Variants in NREP observed in about 807,000 individuals in gnomAD.
NREP encodes the protein neuronal regeneration related protein.
In NREP, 5 loss-of-function variants were observed where a neutral mutation model predicts 8.6. That is an observed-to-expected ratio of 0.58 (90% CI 0.30 to 1.22). The LOEUF (loss-of-function observed/expected upper bound fraction) is 1.22. Ranked by LOEUF, NREP falls within the 50% of genes most tolerant of loss-of-function variation. NREP has a pLI of 0.07. For missense variants in NREP, 86 were observed against 82.5 expected (o/e 1.04, Z -0.17); for synonymous variants, 27 against 28.0 (o/e 0.96, Z 0.11).
At chr5:111,945,763 TTCACA>T (rs1418575291) in intron 2 of NREP, among the ~76,000 whole-genome samples, 7 of 13,644 alleles carry the variant, frequency 5.1e-4, no homozygotes, top group South Asian at 2.5e-3. Flanking sequence ...TTCACAGCCC[TTCACA>T]GCCCTGTTTT....
chr5:111,831,754 C>G (rs1752773397), intron 2 of NREP, among the ~76,000 whole-genome samples: 1 of 152,210 alleles, frequency 6.6e-6, no homozygotes, highest in Admixed American at 6.5e-5. Flanking sequence ...CTATCCTGAT[C>G]ATTCCTGGAC....
chr5:111,739,736 C>G (rs1749482938), intron 2 of NREP: 1 of 151,962 alleles, frequency 6.6e-6, no homozygotes, highest in South Asian at 2.1e-4. Context: ...ATTGAATTCT[C>G]TATTGTTGTT....
intron 2 of NREP, among the ~76,000 whole-genome samples, chr5:111,967,318 G>A (rs554033762): frequency 4.6e-5 from 7 of 151,904 alleles, no homozygotes; most frequent in East Asian, 3.9e-4. Context: ...CATTGCCTTC[G>A]CCATAATCAA....
intron 2 of NREP, among the ~76,000 whole-genome samples, chr5:111,859,389 A>AAAT (rs1257163894): frequency 1.3e-5 from 2 of 152,198 alleles, no homozygotes; most frequent in Non-Finnish European, 2.9e-5. Flanking sequence ...TTAGAAAGGC[A>AAAT]AATTGCTTTA....
chr5:111,881,219 G>C lies in NREP; in HGVS notation c.135+94055C>G, dbSNP rs562278639. 1.0e-3 allele frequency among the ~76,000 whole-genome samples: 156 copies of C among 152,296 alleles called. 1 individual carries two copies. Among genetic ancestry groups the C allele is most frequent in the African/African-American group, 3.4e-3 (143 of 41,568 alleles). On this transcript the variant is annotated intron_variant, in intron 2 of 3. Transcript: ENST00000395634. ...GGTCCTACACCCACGGAGTCTCCCT[G>C]ATTGCTAGCACAGCAGTCTGAGATC... is the stretch of plus-strand genomic sequence containing the variant.
chr5:111,807,128 CA>C (rs376335232), intron 2 of NREP, among the ~76,000 whole-genome samples: 12 of 147,894 alleles, frequency 8.1e-5, no homozygotes, highest in Admixed American at 2.0e-4. Context: ...AACAAAAAAA[CA>C]AAAAAAAAAC....
In NREP at chr5:111,889,871, T is replaced by C. The variant is rs147326173; in HGVS notation, c.135+85403A>G. ...ATTACAGTTAAAGGGGGTTATTCTC[T>C]TGCGGGCAGGGGTGGGGGTTACAAG... On this transcript the variant is annotated intron_variant, in intron 2 of 3. Transcript: ENST00000395634. Among the ~76,000 whole-genome samples, 485 of 152,138 alleles carry C rather than the reference T, an allele frequency of 3.2e-3. 2 individuals are homozygous for C. The highest frequency in any genetic ancestry group is 6.8e-3 in the Middle Eastern group (2 of 294).
intron 2 of NREP, among the ~76,000 whole-genome samples, chr5:111,881,080 AGTG>A (rs1355677912): frequency 6.6e-6 from 1 of 152,216 alleles, no homozygotes; most frequent in Non-Finnish European, 1.5e-5. Context: ...AGTCAAAGAA[AGTG>A]GTGACAGACG....
chr5:111,947,216 G>T (rs79173568), intron 2 of NREP, among the ~76,000 whole-genome samples: 1 of 151,820 alleles, frequency 6.6e-6, no homozygotes, highest in African/African-American at 2.4e-5. Flanking sequence ...ACTTAAAAAC[G>T]CTTTCTTAAG....
chr5:111,756,362 T>G, intron 1 of NREP: 1 of 573,254 alleles, frequency 1.7e-6, no homozygotes, highest in Non-Finnish European at 2.2e-6. Flanking sequence ...CACCATTCTG[T>G]CCTTCTCCCT....
downstream of NREP, chr5:111,729,157 G>C (rs541755359): frequency 6.6e-5 from 10 of 152,308 alleles, no homozygotes; most frequent in African/African-American, 2.4e-4. Flanking sequence ...GAAAACGCAT[G>C]AAAGGCAGAG....
intron 2 of NREP, among the ~76,000 whole-genome samples, chr5:111,892,577 T>C (rs750657189): frequency 7.2e-5 from 11 of 152,104 alleles, no homozygotes; most frequent in Non-Finnish European, 1.3e-4. Context: ...GACATTATGA[T>C]ACATTGAAAA....
intron 2 of NREP, among the ~76,000 whole-genome samples, chr5:111,812,461 A>T (rs1167292725): frequency 6.6e-6 from 1 of 152,180 alleles, no homozygotes; most frequent in Non-Finnish European, 1.5e-5. Context: ...GTAATGTATT[A>T]ATAGCTAAAA....
At chr5:111,731,150 A>T in intron 3 of NREP, 104 bp from the exon 4 acceptor site, 1 of 1,232,262 alleles carries the variant, frequency 8.1e-7, no homozygotes, top group East Asian at 2.5e-5. Context: ...TGCCCAGCCC[A>T]CATTATACCC....
At chr5:111,815,698 A>G (rs573013221) in intron 2 of NREP, among the ~76,000 whole-genome samples, 1 of 152,270 alleles carries the variant, frequency 6.6e-6, no homozygotes, top group Non-Finnish European at 1.5e-5. Context: ...TCAGTAAAAA[A>G]TATTCAAACC....
At chr5:111,876,197 C>G (rs1256724106) in intron 2 of NREP, among the ~76,000 whole-genome samples, 1 of 152,230 alleles carries the variant, frequency 6.6e-6, no homozygotes, top group Non-Finnish European at 1.5e-5. Flanking sequence ...CATCCCCATG[C>G]ATGCTTCTAG....
intron 2 of NREP, among the ~76,000 whole-genome samples, chr5:111,952,538 T>A (rs1020179856): frequency 6.6e-6 from 1 of 152,160 alleles, no homozygotes; most frequent in Non-Finnish European, 1.5e-5. Context: ...TTCTACAACT[T>A]TGACAAGTAA....
At chr5:111,885,002 G>A (rs939669951) in intron 2 of NREP, among the ~76,000 whole-genome samples, 1 of 152,150 alleles carries the variant, frequency 6.6e-6, no homozygotes, top group Non-Finnish European at 1.5e-5. Context: ...AGGAAATAAA[G>A]AGTATTCAAT....
chr5:111,932,854 G>T (rs1488307080), intron 2 of NREP, among the ~76,000 whole-genome samples: 1 of 152,006 alleles, frequency 6.6e-6, no homozygotes, highest in East Asian at 1.9e-4. Context: ...ATCATGTTAA[G>T]CCCGAAAGTC....
Sources: gnomAD v4.1 joint callset for allele counts (sites outside exome capture counted in the v4.1 genomes callset) on GRCh38, gnomAD v4.1.1 for gene constraint, MANE v1.5 for transcripts, NCBI Gene and HGNC (gene_info 2026-07-23, HGNC 2026-07-21) for gene names.